MAGI1: variants seen among roughly 807,000 people sequenced by gnomAD.
MAGI1 encodes membrane associated guanylate kinase, WW and PDZ domain containing 1.
A neutral mutation model predicts 139.9 loss-of-function variants in MAGI1; 58 were observed. The ratio of observed to expected loss-of-function variants is 0.41; its 90% CI spans 0.34 to 0.52. MAGI1 has a LOEUF of 0.52. Ranked by LOEUF, MAGI1 falls within the 20% of genes least tolerant of loss-of-function variation. MAGI1 has a pLI of 0.12. For synonymous variants in MAGI1, 812 were observed against 737.9 expected (o/e 1.10, Z -1.63); for missense variants, 1,874 against 1,901.6 (o/e 0.99, Z 0.27).
intron 1 of MAGI1, among the ~76,000 whole-genome samples, chr3:65,698,149 C>T (rs879606801): frequency 7.0e-5 from 8 of 114,078 alleles, no homozygotes; most frequent in Non-Finnish European, 1.3e-4. Flanking sequence ...AATAAAATAC[C>T]TAGGAATCCA....
intron 2 of MAGI1, among the ~76,000 whole-genome samples, chr3:65,508,679 T>C (rs905597673): frequency 1.3e-5 from 2 of 152,186 alleles, no homozygotes; most frequent in African/African-American, 2.4e-5. Flanking sequence ...TGAGTCCAGA[T>C]ACAATCCAGT....
rs1265935578 is a variant in MAGI1 at position 65,788,454 on chromosome 3, T to A, written c.314-166366A>T. On this transcript the variant is annotated intron_variant, in intron 1 of 22. Coordinates refer to ENST00000402939, the MANE Select transcript of MAGI1 (RefSeq NM_001033057.2). ...GTATGTACCTACATTATGACCACTTTCCCCTATGCATTTTAGATTATTCAT... is the reference window on the plus strand; with the variant it reads ...GTATGTACCTACATTATGACCACTTACCCCTATGCATTTTAGATTATTCAT... 2.6e-5 allele frequency among the ~76,000 whole-genome samples: 4 copies of A among 152,208 alleles called. No homozygotes were observed. The East Asian group carries it at 7.7e-4, about 29-fold the overall frequency.
intron 22 of MAGI1, 76 bp downstream of exon 22, chr3:65,361,121 CTT>C: frequency 6.2e-7 from 1 of 1,613,136 alleles, no homozygotes. Flanking sequence ...ACAAAAAAGA[CTT>C]TCCTGCTGCC....
intron 12 of MAGI1, 36 bp downstream of exon 12, chr3:65,429,484 A>C (rs750318913): frequency 1.3e-6 from 2 of 1,530,722 alleles, no homozygotes; most frequent in Non-Finnish European, 1.7e-6. Context: ...ATTTGGGATA[A>C]AAAAAAAATT....
intron 1 of MAGI1, among the ~76,000 whole-genome samples, chr3:65,921,643 A>G (rs925144052): frequency 2.0e-5 from 3 of 152,038 alleles, no homozygotes; most frequent in Non-Finnish European, 2.9e-5. Flanking sequence ...TTACCACCAT[A>G]TTGGAATAAC....
intron 1 of MAGI1, among the ~76,000 whole-genome samples, chr3:65,762,955 T>C (rs561705930): frequency 7.7e-4 from 117 of 152,296 alleles, no homozygotes; most frequent in African/African-American, 2.5e-3. Context: ...CAACATAATC[T>C]GGAACCAATA....
At position 65,923,383 on chromosome 3, in the gene MAGI1, G is replaced by A. The variant is rs567777173; in HGVS notation, c.313+114613C>T. 1.1e-4 allele frequency among the ~76,000 whole-genome samples: 17 copies of A among 151,812 alleles called. No individual in the cohort carries two copies. In the South Asian group the frequency reaches 2.1e-3, roughly 19 times the overall value. ...TAGGACTACAGGCGCGCACCACCACGCCCAGCTAACTTTTTGTATTTTTAG... is the reference window on the plus strand; with the variant it reads ...TAGGACTACAGGCGCGCACCACCACACCCAGCTAACTTTTTGTATTTTTAG... On this transcript the variant is annotated intron_variant, in intron 1 of 22. Transcript: ENST00000402939.
At chr3:65,658,805 G>A (rs901023166) in intron 1 of MAGI1, among the ~76,000 whole-genome samples, 7 of 152,152 alleles carry the variant, frequency 4.6e-5, no homozygotes, top group African/African-American at 1.4e-4. Flanking sequence ...ATGTCAAAAC[G>A]AAGTGAAATA....
chr3:65,741,691 G>A (rs2107783613), intron 1 of MAGI1, among the ~76,000 whole-genome samples: 1 of 152,230 alleles, frequency 6.6e-6, no homozygotes, highest in Middle Eastern at 3.4e-3. Context: ...TCTGTACTGG[G>A]ATAAGTTAAT....
At chr3:65,456,482 CT>C (rs1238013119) in intron 5 of MAGI1, among the ~76,000 whole-genome samples, 3 of 151,800 alleles carry the variant, frequency 2.0e-5, no homozygotes, top group Non-Finnish European at 4.4e-5. Context: ...GTAGTTTGTC[CT>C]TTCATCCTCT....
At chr3:65,959,618 T>C (rs1390371212) in intron 1 of MAGI1, among the ~76,000 whole-genome samples, 1 of 141,734 alleles carries the variant, frequency 7.1e-6, no homozygotes, top group Non-Finnish European at 1.5e-5. Flanking sequence ...TTATTATTAT[T>C]ATTATTATTA....
At chr3:65,938,887 G>C (rs564454425) in intron 1 of MAGI1, among the ~76,000 whole-genome samples, 5 of 152,282 alleles carry the variant, frequency 3.3e-5, no homozygotes, top group African/African-American at 1.2e-4. Context: ...CTTTGTAGCA[G>C]AGGGCAGTGC....
At chr3:65,776,074 T>C (rs1485184504) in intron 1 of MAGI1, among the ~76,000 whole-genome samples, 10 of 152,166 alleles carry the variant, frequency 6.6e-5, no homozygotes, top group Non-Finnish European at 1.5e-4. Flanking sequence ...TCAAATAAAT[T>C]ACTATAAGAA....
intron 9 of MAGI1, among the ~76,000 whole-genome samples, chr3:65,439,142 G>T (rs1559554294): frequency 6.6e-6 from 1 of 152,058 alleles, no homozygotes; most frequent in Non-Finnish European, 1.5e-5. Flanking sequence ...GCTAAATAAA[G>T]CAGAGGCATT....
chr3:66,013,519 T>C (rs1277027458), intron 1 of MAGI1, among the ~76,000 whole-genome samples: 1 of 151,488 alleles, frequency 6.6e-6, no homozygotes, highest in Admixed American at 6.6e-5. Context: ...CCCAGCACTT[T>C]GGGAGGCCAA....
At chr3:65,358,269 T>G (rs1940417576) in intron 22 of MAGI1, among the ~76,000 whole-genome samples, 1 of 152,104 alleles carries the variant, frequency 6.6e-6, no homozygotes, top group South Asian at 2.1e-4. Flanking sequence ...ACCCAACAAG[T>G]CATCCACATG....
intron 1 of MAGI1, among the ~76,000 whole-genome samples, chr3:65,818,663 G>A (rs1365332118): frequency 1.3e-5 from 2 of 152,294 alleles, no homozygotes; most frequent in East Asian, 1.9e-4. Context: ...GGGGAAGGCA[G>A]GGAGTTCAAG....
intron 2 of MAGI1, among the ~76,000 whole-genome samples, chr3:65,621,172 C>T (rs1243036710): frequency 1.3e-5 from 2 of 152,118 alleles, no homozygotes; most frequent in African/African-American, 4.8e-5. Flanking sequence ...AAGGAAAATT[C>T]TAAGTAATAA....
At chr3:65,707,214 T>C (rs902693243) in intron 1 of MAGI1, among the ~76,000 whole-genome samples, 1 of 152,214 alleles carries the variant, frequency 6.6e-6, no homozygotes, top group Non-Finnish European at 1.5e-5. Flanking sequence ...ATCTAAAAAG[T>C]GAACCTGCCA....
Sources: gnomAD v4.1 joint callset for allele counts (sites outside exome capture counted in the v4.1 genomes callset) on GRCh38, gnomAD v4.1.1 for gene constraint, MANE v1.5 for transcripts, NCBI Gene and HGNC (gene_info 2026-07-23, HGNC 2026-07-21) for gene names.